Variants in FAM163B observed in about 807,000 individuals in gnomAD.
FAM163B encodes the protein protein FAM163B.
Under a neutral mutation model 7.6 loss-of-function variants are expected in FAM163B, and 4 were observed. The ratio of observed to expected loss-of-function variants is 0.52; its 90% CI spans 0.26 to 1.20. The LOEUF (loss-of-function observed/expected upper bound fraction) is 1.20, where lower values mean the gene tolerates loss of function less well. Among genes scored for constraint, FAM163B ranks in the 50% most tolerant of loss-of-function variants. The pLI, the probability that FAM163B is intolerant of heterozygous loss-of-function variation, is 0.14. For missense variants in FAM163B, 250 were observed against 243.0 expected (o/e 1.03, Z -0.19); for synonymous variants, 120 against 111.6 (o/e 1.07, Z -0.47).
At chr9:133,587,445 C>T (rs9414512) in intron 1 of FAM163B, among the ~76,000 whole-genome samples, 32,904 of 152,178 alleles carry the variant, frequency 0.22, 4,433 homozygotes, top group East Asian at 0.42. Flanking sequence ...CACTGTCTGC[C>T]AACCTCAGGA....
chr9:133,579,656 C>T (rs1006403978), intron 2 of FAM163B, among the ~76,000 whole-genome samples: 2 of 152,258 alleles, frequency 1.3e-5, no homozygotes, highest in Admixed American at 6.5e-5. Flanking sequence ...CGCCCAGCAA[C>T]GTGCAGGTGT....
Position 133,601,493 on chromosome 9 carries a change from C to T in FAM163B, c.-24+7584G>A, listed in dbSNP as rs780523493. On this transcript the variant is annotated intron_variant, in intron 1 of 2. Coordinates refer to ENST00000673969, the MANE Select transcript of FAM163B (RefSeq NM_001080515.3). This position sits in a 1 kb window ranked among gnomAD's most constrained non-coding sequence, Gnocchi z 4.1. ...GCAGCATTAACCACAGGGGCCTGGC[C>T]AGGCGAGACCCACTCTCTCTGGAGT... Among the ~76,000 whole-genome samples the T allele has an allele frequency of 6.6e-6, 1 of 152,162 alleles. No homozygotes were observed. The highest frequency in any genetic ancestry group is 1.5e-5 in the Non-Finnish European group (1 of 68,024).
intron 1 of FAM163B, among the ~76,000 whole-genome samples, chr9:133,584,207 T>C (rs1831398939): frequency 6.6e-6 from 1 of 152,110 alleles, no homozygotes; most frequent in African/African-American, 2.4e-5. Context: ...GGGAAGAATA[T>C]GGACCACCTG....
rs190753300 is a variant in FAM163B, at chr9:133,608,877, G to T, written c.-24+200C>A. Among the ~76,000 whole-genome samples, 882 of 152,340 alleles carry T rather than the reference G, an allele frequency of 5.8e-3. 6 individuals are homozygous for T. The highest frequency in any genetic ancestry group is 0.021 in the African/African-American group (853 of 41,580). On this transcript the variant is annotated intron_variant, in intron 1 of 2. Coordinates refer to ENST00000673969, the MANE Select transcript of FAM163B (RefSeq NM_001080515.3). Reference sequence around the variant, plus strand: ...TCCCTTAGGCCCTCGTGCCCACCTGGGTCTCAGTCTCCTCCTCGGGGATGC... The same window carrying T: ...TCCCTTAGGCCCTCGTGCCCACCTGTGTCTCAGTCTCCTCCTCGGGGATGC...
rs10115651 is a variant in FAM163B at position 133,578,347 on chromosome 9, G to A, written c.*675C>T. On this transcript the variant is annotated 3_prime_UTR_variant, in exon 3 of 3. Transcript: ENST00000673969. Reference sequence around the variant, plus strand: ...CTGCCACCAAAAAGCTGGTCAGGGCGGAGCATCCCAAGGGCCCTGATGCCC... The same window carrying A: ...CTGCCACCAAAAAGCTGGTCAGGGCAGAGCATCCCAAGGGCCCTGATGCCC... 72,343 of 152,060 alleles carry A rather than the reference G, an allele frequency of 0.48. 17,921 individuals are homozygous for A. Among genetic ancestry groups the A allele is most frequent in the Middle Eastern group, 0.53 (157 of 294 alleles). 9.4% of individuals were successfully genotyped at this position (152,060 alleles called of 1,614,324 possible). A position where few individuals can be genotyped will look rare whatever the true frequency, so the allele number is the denominator to read the frequency against.
Position 133,580,202 on chromosome 9 carries a change from T to C in FAM163B, c.22A>G (p.Ile8Val). 1 of 1,613,626 alleles carries C rather than the reference T, an allele frequency of 6.2e-7. No individual in the cohort carries two copies. The highest frequency in any genetic ancestry group is 1.1e-5 in the South Asian group (1 of 91,076). ...ACAGTCGCCAAGATGCCCCCGGTGA[T>C]GACCACGGTCCCGGCTGTCATCCGC... The part of the protein sequence containing the change: MTAGTVV[I>V]TGGILATVIL... Residue 8 changes from isoleucine to valine, a missense_variant, in exon 2 of 3, where the codon ATC becomes GTC. Ile to Val is a conservative substitution (Grantham distance 29). Coordinates refer to ENST00000673969, the MANE Select transcript of FAM163B (RefSeq NM_001080515.3).
At chr9:133,599,097 T>G (rs1338932958) in intron 1 of FAM163B, among the ~76,000 whole-genome samples, 1 of 152,174 alleles carries the variant, frequency 6.6e-6, no homozygotes, top group East Asian at 1.9e-4. Context: ...CGCCACACTT[T>G]CAGCTTTGTC....
Position 133,600,463 on chromosome 9 carries a change from A to C in FAM163B, c.-24+8614T>G, listed in dbSNP as rs1397628838. On this transcript the variant is annotated intron_variant, in intron 1 of 2. Coordinates refer to ENST00000673969, the MANE Select transcript of FAM163B (RefSeq NM_001080515.3). The surrounding 1 kb of genome is among the most constrained non-coding windows in gnomAD (Gnocchi z 4.9). ...ACCCACTCTCAGTTTAGTGGAGCCCAGGTCACCTGGCACTTACGAGGGAAG... is the reference window on the plus strand; with the variant it reads ...ACCCACTCTCAGTTTAGTGGAGCCCCGGTCACCTGGCACTTACGAGGGAAG... 6.6e-6 allele frequency among the ~76,000 whole-genome samples: 1 copy of C among 152,188 alleles called. No individual in the cohort carries two copies. The highest frequency in any genetic ancestry group is 1.9e-4 in the East Asian group (1 of 5,202).
chr9:133,580,263 C>T lies in FAM163B; in HGVS notation c.-23-17G>A, dbSNP rs1263414767. 45 of 1,557,222 alleles carry T rather than the reference C, an allele frequency of 2.9e-5. No individual in the cohort carries two copies. Among genetic ancestry groups the T allele is most frequent in the Middle Eastern group, 1.7e-4 (1 of 5,982 alleles). ...ATCAACAGCCTGCAACACACGCCGC[C>T]AGCTTTAGAGCATCACGCTTCCTCA... On this transcript the variant is annotated splice_polypyrimidine_tract_variant and intron_variant, in intron 1 of 2. Coordinates refer to ENST00000673969, the MANE Select transcript of FAM163B (RefSeq NM_001080515.3).
intron 1 of FAM163B, among the ~76,000 whole-genome samples, chr9:133,587,235 C>T (rs1353179269): frequency 6.6e-6 from 1 of 152,212 alleles, no homozygotes; most frequent in Non-Finnish European, 1.5e-5. Context: ...CGACCCAGGG[C>T]TGGAGCCCTG....
chr9:133,587,834 C>T lies in FAM163B; in HGVS notation c.-23-7588G>A, dbSNP rs1033679961. Reference sequence around the variant, plus strand: ...GCCTGCCTCAAACCTCACCTTCTGCCCAGTCTAACTGACCCCACTTTCTCA... The same window carrying T: ...GCCTGCCTCAAACCTCACCTTCTGCTCAGTCTAACTGACCCCACTTTCTCA... On this transcript the variant is annotated intron_variant, in intron 1 of 2. Transcript: ENST00000673969. 2.0e-5 allele frequency among the ~76,000 whole-genome samples: 3 copies of T among 152,106 alleles called. 1 individual carries two copies. The highest frequency in any genetic ancestry group is 7.2e-5 in the African/African-American group (3 of 41,388).
Position 133,595,163 on chromosome 9 carries a change from T to C in FAM163B, c.-24+13914A>G, listed in dbSNP as rs115649532. 8.5e-3 allele frequency among the ~76,000 whole-genome samples: 1,295 copies of C among 152,254 alleles called. 21 individuals carry two copies. The highest frequency in any genetic ancestry group is 0.03 in the African/African-American group (1,244 of 41,538). On this transcript the variant is annotated intron_variant, in intron 1 of 2. Coordinates refer to ENST00000673969, the MANE Select transcript of FAM163B (RefSeq NM_001080515.3). The stretch of plus-strand genomic sequence containing the variant: ...CATTTGTTTTTGTTTGTTATGTTTT[T>C]GAGACGGAGTCTCCCTCTGTCACCC...
Position 133,579,406 on chromosome 9 carries a change from C to T in FAM163B, c.117G>A (p.Glu39=), listed in dbSNP as rs910464263. The T allele has an allele frequency of 1.2e-6, 2 of 1,606,150 alleles. No homozygotes were observed. Among genetic ancestry groups the T allele is most frequent in the East Asian group, 2.2e-5 (1 of 44,660 alleles). Residue 39 remains glutamate (E), a synonymous_variant, in exon 3 of 3, where the codon GAG becomes GAA. Coordinates refer to ENST00000673969, the MANE Select transcript of FAM163B (RefSeq NM_001080515.3). Reference sequence around the variant, plus strand: ...CTGGTTCCTCCTCGTCCTCCTCCGACTCGTCCTTCTTGCAGCAGTAGTACT... The same window carrying T: ...CTGGTTCCTCCTCGTCCTCCTCCGATTCGTCCTTCTTGCAGCAGTAGTACT... ...RLQYYCCKKD[E]SEEDEEEPDF...
rs1228845650 is a variant in FAM163B at position 133,577,291 on chromosome 9, C to T, written c.*1731G>A. 6.7e-6 allele frequency among the ~76,000 whole-genome samples: 1 copy of T among 149,016 alleles called. No individual in the cohort carries two copies. Among genetic ancestry groups the T allele is most frequent in the Non-Finnish European group, 1.5e-5 (1 of 67,136 alleles). On this transcript the variant is annotated 3_prime_UTR_variant, in exon 3 of 3. Transcript: ENST00000673969. ...CCTCATCCCCACCCCACCCAGCCCA[C>T]CCCCCACGCCAACGCATCAGAAACA...
intron 1 of FAM163B, among the ~76,000 whole-genome samples, chr9:133,583,846 G>A (rs1221088919): frequency 6.6e-6 from 1 of 152,226 alleles, no homozygotes; most frequent in Non-Finnish European, 1.5e-5. Context: ...GCCTGCCGAG[G>A]AGCAGCAACG....
rs1306760442 is a variant in FAM163B, at chr9:133,600,183, T to C, written c.-24+8894A>G. On this transcript the variant is annotated intron_variant, in intron 1 of 2. Transcript: ENST00000673969. The surrounding 1 kb of genome is among the most constrained non-coding windows in gnomAD (Gnocchi z 4.9). ...ATGAGTGTGAGTCTGTGTGCATGTG[T>C]ATGTGGGAATGTGGTCTGTGTGAGT... is the stretch of plus-strand genomic sequence containing the variant. 6.7e-6 allele frequency among the ~76,000 whole-genome samples: 1 copy of C among 150,112 alleles called. No individual in the cohort carries two copies. Among genetic ancestry groups the C allele is most frequent in the East Asian group, 2.0e-4 (1 of 5,086 alleles).
At chr9:133,596,406 C>CG (rs1028728827) in intron 1 of FAM163B, among the ~76,000 whole-genome samples, 1 of 37,742 alleles carries the variant, frequency 2.6e-5, no homozygotes, top group Non-Finnish European at 5.7e-5. Flanking sequence ...AACTGGTGGG[C>CG]GGGGGCGGGG....
chr9:133,586,125 G>T (rs1831434201), intron 1 of FAM163B: 1 of 152,262 alleles, frequency 6.6e-6, no homozygotes, highest in Non-Finnish European at 1.5e-5. Context: ...GAAGTGCTCG[G>T]CTGCCCTGTG....
At position 133,577,265 on chromosome 9, in the gene FAM163B, C is replaced by T. The variant is rs3174179; in HGVS notation, c.*1757G>A. On this transcript the variant is annotated 3_prime_UTR_variant, in exon 3 of 3. Transcript: ENST00000673969. ...GGGAAATGGAATCATGAGGGCTGGGCCCTCATCCCCACCCCACCCAGCCCA... is the reference window on the plus strand; with the variant it reads ...GGGAAATGGAATCATGAGGGCTGGGTCCTCATCCCCACCCCACCCAGCCCA... Among the ~76,000 whole-genome samples, 10,036 of 151,730 alleles carry T rather than the reference C, an allele frequency of 0.066. 481 individuals are homozygous for T. The highest frequency in any genetic ancestry group is 0.11 in the Non-Finnish European group (7,439 of 67,752).
Sources: allele counts gnomAD v4.1 joint callset (sites outside exome capture counted in the v4.1 genomes callset), GRCh38; gene constraint gnomAD v4.1.1; non-coding constraint Gnocchi (gnomAD v3.1); transcripts MANE v1.5; gene names NCBI Gene and HGNC (gene_info 2026-07-23, HGNC 2026-07-21).